Variants in ETV1 observed in about 807,000 individuals in gnomAD.
ETV1 encodes ETS translocation variant 1.
ETV1 carries 27 observed loss-of-function variants against 62.3 expected under a neutral mutation model. The observed-to-expected ratio is 0.43, with a 90% CI of 0.32 to 0.60. The LOEUF is 0.60. Ranked by LOEUF, ETV1 falls within the 20% of genes least tolerant of loss-of-function variation. The pLI is 0.06. For missense variants in ETV1, 605 were observed against 605.8 expected, an observed-to-expected ratio of 1.00 and a Z score of 0.01; for synonymous variants, 222 against 199.6, an observed-to-expected ratio of 1.11 and a Z score of -0.94.
Position 13,989,359 on chromosome 7 carries a change from C to G in ETV1, c.-179G>C. ...AAGAGGCGATGTATTTATTTACACT[C>G]TCGATGTTTCCCTGCGCGGTCGGTG... On this transcript the variant is annotated 5_prime_UTR_variant, in exon 2 of 14. Transcript: ENST00000430479. 2.0e-6 allele frequency: 1 copy of G among 487,998 alleles called. No individual in the cohort carries two copies. Among genetic ancestry groups the G allele is most frequent in the Non-Finnish European group, 3.6e-6 (1 of 279,014 alleles). 30.2% of individuals were successfully genotyped at this position (487,998 alleles called of 1,614,324 possible).
chr7:13,987,315 A>G (rs3823709), intron 4 of ETV1, among the ~76,000 whole-genome samples: 86,567 of 151,334 alleles, frequency 0.57, 25,118 homozygotes, highest in African/African-American at 0.63. Flanking sequence ...AGGGAGGGAG[A>G]GAGGGAGGTA....
intron 6 of ETV1, among the ~76,000 whole-genome samples, chr7:13,949,473 C>A (rs1788548680): frequency 6.6e-6 from 1 of 152,148 alleles, no homozygotes; most frequent in African/African-American, 2.4e-5. Flanking sequence ...TTCTAAGACA[C>A]ACAGAAGCAG....
intron 6 of ETV1, among the ~76,000 whole-genome samples, chr7:13,943,108 A>T (rs533234482): frequency 6.6e-6 from 1 of 152,226 alleles, no homozygotes; most frequent in African/African-American, 2.4e-5. Flanking sequence ...CAAAATAAGA[A>T]TTGCAAAATA....
chr7:13,917,608 CG>C (rs1432387962), intron 9 of ETV1, among the ~76,000 whole-genome samples: 1 of 151,944 alleles, frequency 6.6e-6, no homozygotes, highest in Admixed American at 6.5e-5. Flanking sequence ...TGAGCCACCG[CG>C]CCTGACCAAC....
In ETV1 at chr7:13,903,222, A is replaced by G. The variant is rs559158647; in HGVS notation, c.1111-2383T>C. On this transcript the variant is annotated intron_variant, in intron 12 of 13. Transcript: ENST00000430479. The stretch of plus-strand genomic sequence containing the variant: ...AAATGAAAACTTGAGTTGTTAGTGA[A>G]GAGAGTAAAAAGATGATAGCACTAT... 1.9e-4 allele frequency among the ~76,000 whole-genome samples: 29 copies of G among 152,320 alleles called. No homozygotes were observed. The South Asian group carries it at 5.8e-3, about 30-fold the overall frequency.
chr7:13,988,768 T>G (rs747824033), intron 3 of ETV1: 88 of 1,610,846 alleles, frequency 5.5e-5, no homozygotes, highest in Non-Finnish European at 6.8e-5. Flanking sequence ...TCCACTCATG[T>G]TGGGCACTTT....
At chr7:13,914,082 A>G (rs1244571552) in intron 9 of ETV1, among the ~76,000 whole-genome samples, 2 of 151,278 alleles carry the variant, frequency 1.3e-5, no homozygotes, top group African/African-American at 4.9e-5. Context: ...ACGGGGTTTC[A>G]CCATGTTGAC....
chr7:13,975,342 C>T (rs998837884), intron 6 of ETV1, among the ~76,000 whole-genome samples: 9 of 151,874 alleles, frequency 5.9e-5, no homozygotes, highest in African/African-American at 1.5e-4. Flanking sequence ...GTCAGGAGAT[C>T]GAGACCATCC....
At position 13,893,708 on chromosome 7, in the gene ETV1, C is replaced by T. The variant is rs1259161554; in HGVS notation, c.*2158G>A. On this transcript the variant is annotated 3_prime_UTR_variant, in exon 14 of 14. Transcript: ENST00000430479. ...TTTTAAAGACTCACTTAAATTTTCT[C>T]CTTCAATTTCACCAAATCTCAATTA... 1.3e-5 allele frequency: 3 copies of T among 232,758 alleles called. No homozygotes were observed. The highest frequency in any genetic ancestry group is 5.6e-5 in the Admixed American group (1 of 17,784). The allele number at this position is 232,758 out of a possible 1,614,324, so 14.4% of individuals were successfully genotyped here.
intron 3 of ETV1, chr7:13,988,590 G>A (rs1219559869): frequency 1.1e-4 from 85 of 760,922 alleles, no homozygotes; most frequent in African/African-American, 1.1e-3. Flanking sequence ...AAAGAGTAGA[G>A]AAATGAAAAA....
chr7:13,907,781 T>C (rs1278946944), intron 11 of ETV1: 1 of 467,042 alleles, frequency 2.1e-6, no homozygotes, highest in African/African-American at 2.0e-5. Flanking sequence ...TTGCACACTT[T>C]CTAAAACTTA....
intron 9 of ETV1, among the ~76,000 whole-genome samples, chr7:13,920,286 T>G (rs1784691248): frequency 6.6e-6 from 1 of 152,178 alleles, no homozygotes; most frequent in Non-Finnish European, 1.5e-5. Flanking sequence ...CACTATACAT[T>G]AGGAACACTG....
rs146212441 is a variant in ETV1 at position 13,891,347 on chromosome 7, G to A, written c.*4519C>T. 5.3e-3 allele frequency: 1,234 copies of A among 230,722 alleles called. 17 individuals carry two copies. The highest frequency in any genetic ancestry group is 0.025 in the African/African-American group (1,147 of 45,256). The allele number at this position is 230,722 out of a possible 1,614,324, so 14.3% of individuals were successfully genotyped here. Reference sequence around the variant, plus strand: ...AAGTATAATTTTAATACAACCAAGTGAATTAAAAATTTTCTTCCCCATAGA... The same window carrying A: ...AAGTATAATTTTAATACAACCAAGTAAATTAAAAATTTTCTTCCCCATAGA... On this transcript the variant is annotated 3_prime_UTR_variant, in exon 14 of 14. Transcript: ENST00000430479.
chr7:13,959,654 C>G (rs1245977923), intron 6 of ETV1, among the ~76,000 whole-genome samples: 1 of 151,936 alleles, frequency 6.6e-6, no homozygotes, highest in East Asian at 1.9e-4. Context: ...AAGGCCGAGG[C>G]AGGTGGATCA....
intron 13 of ETV1, among the ~76,000 whole-genome samples, chr7:13,898,364 T>C (rs1335694457): frequency 1.3e-5 from 2 of 152,160 alleles, no homozygotes; most frequent in Non-Finnish European, 2.9e-5. Context: ...AGAAGTAATA[T>C]GGGGATACTG....
intron 11 of ETV1, among the ~76,000 whole-genome samples, chr7:13,909,242 C>T (rs932955204): frequency 4.6e-5 from 7 of 151,864 alleles, no homozygotes; most frequent in Non-Finnish European, 1.0e-4. Context: ...GAAGAGAGGC[C>T]GCGTTAGTCA....
intron 6 of ETV1, among the ~76,000 whole-genome samples, chr7:13,942,678 A>C (rs1787698008): frequency 6.6e-6 from 1 of 152,154 alleles, no homozygotes; most frequent in Admixed American, 6.5e-5. Flanking sequence ...ACTTCAGATT[A>C]AGTATTGGTT....
chr7:13,910,228 C>T (rs1189716067), intron 10 of ETV1, among the ~76,000 whole-genome samples: 15 of 120,220 alleles, frequency 1.2e-4, no homozygotes, highest in East Asian at 2.6e-4. Context: ...AAAAGTTTCC[C>T]TTTTTTTTTT....
At chr7:13,935,026 C>A (rs1010673785) in intron 8 of ETV1, among the ~76,000 whole-genome samples, 2 of 152,312 alleles carry the variant, frequency 1.3e-5, no homozygotes, top group Non-Finnish European at 2.9e-5. Flanking sequence ...AGAACCTCTA[C>A]AGGTTTTATT....
Sources: gnomAD v4.1 joint callset for allele counts (sites outside exome capture counted in the v4.1 genomes callset) on GRCh38, gnomAD v4.1.1 for gene constraint, MANE v1.5 for transcripts, NCBI Gene and HGNC (gene_info 2026-07-23, HGNC 2026-07-21) for gene names.